Variants in PPP2R2C observed in about 807,000 individuals in gnomAD.
The protein encoded by PPP2R2C is protein phosphatase 2 regulatory subunit Bgamma.
PPP2R2C carries 10 observed loss-of-function variants against 45.3 expected under a neutral mutation model. That is an observed-to-expected ratio of 0.22 (90% CI 0.14 to 0.37). The LOEUF is 0.37. Among genes scored for constraint, PPP2R2C ranks in the 10% least tolerant of loss-of-function variants. PPP2R2C has a pLI of 1.00. For missense variants in PPP2R2C, 308 were observed against 619.7 expected (o/e 0.50, Z 5.34); for synonymous variants, 257 against 245.4 (o/e 1.05, Z -0.44).
chr4:6,462,021 C>G (rs796348888), intron 1 of PPP2R2C, among the ~76,000 whole-genome samples: 23 of 152,340 alleles, frequency 1.5e-4, no homozygotes, highest in African/African-American at 5.1e-4. Flanking sequence ...GATGTGGTCA[C>G]CCAGGCACGG....
At chr4:6,349,364 G>A in intron 5 of PPP2R2C, 1 of 970,116 alleles carries the variant, frequency 1.0e-6, no homozygotes, top group Non-Finnish European at 1.2e-6. Flanking sequence ...TTCCTCATCT[G>A]TAAAATGAGT....
Position 6,347,955 on chromosome 4 carries a change from T to C in PPP2R2C, c.681A>G (p.Ala227=), listed in dbSNP as rs761054245. Residue 227 remains alanine, a synonymous_variant, in exon 6 of 9, where the codon GCA becomes GCG. Transcript: ENST00000382599. ...TGCAGTGGTGCGGATGGAACTCAGA[T>C]GCTGTGATCACCTCCGTAAGGTCCT... is the stretch of plus-strand genomic sequence containing the variant. ...NMEDLTEVIT[A]SEFHPHHCNL... is the part of the protein sequence containing the mutation. 8.5e-5 allele frequency: 137 copies of C among 1,613,948 alleles called. No homozygotes were observed. Among genetic ancestry groups the C allele is most frequent in the Non-Finnish European group, 1.1e-4 (133 of 1,180,012 alleles).
At position 6,332,082 on chromosome 4, in the gene PPP2R2C, C is replaced by T. The variant is rs554484328; in HGVS notation, c.960+1480G>A. Among the ~76,000 whole-genome samples, 78 of 152,322 alleles carry T rather than the reference C, an allele frequency of 5.1e-4. No individual in the cohort carries two copies. Among genetic ancestry groups the T allele is most frequent in the African/African-American group, 1.8e-3 (74 of 41,564 alleles). On this transcript the variant is annotated intron_variant, in intron 7 of 8. Coordinates refer to ENST00000382599, the MANE Select transcript of PPP2R2C (RefSeq NM_020416.4). This position sits in a 1 kb window ranked among gnomAD's most constrained non-coding sequence, Gnocchi z 4.9. ...GGTCCTTCATGAGAATTTCAGAAAG[C>T]TGTGTCCCCCTCCCCCTGAAAATGC...
At chr4:6,354,698 G>A (rs760508746) in intron 5 of PPP2R2C, among the ~76,000 whole-genome samples, 1 of 148,380 alleles carries the variant, frequency 6.7e-6, no homozygotes, top group African/African-American at 2.5e-5. Flanking sequence ...GGCAGCTGGT[G>A]CTCCACTTTG....
chr4:6,340,618 G>A (rs1018846868), intron 6 of PPP2R2C, among the ~76,000 whole-genome samples: 10 of 148,860 alleles, frequency 6.7e-5, no homozygotes, highest in African/African-American at 2.2e-4. Flanking sequence ...CACCTGCACC[G>A]GCCACTCACT....
At chr4:6,424,462 GC>G (rs1335470561) in intron 1 of PPP2R2C, among the ~76,000 whole-genome samples, 1 of 152,230 alleles carries the variant, frequency 6.6e-6, no homozygotes, top group Non-Finnish European at 1.5e-5. Context: ...ACACTGCTGA[GC>G]CATGTCGGGG....
chr4:6,382,918 A>G lies in PPP2R2C; in HGVS notation c.71-1824T>C, dbSNP rs188046524. Reference sequence around the variant, plus strand: ...AACCCTCCAGCGGCTCCCATTGTGTACTCAGAGAAAAGCACAGAGTGTTCT... The same window carrying G: ...AACCCTCCAGCGGCTCCCATTGTGTGCTCAGAGAAAAGCACAGAGTGTTCT... On this transcript the variant is annotated intron_variant, in intron 1 of 8. Transcript: ENST00000382599. 37 of 1,087,744 alleles carry G rather than the reference A, an allele frequency of 3.4e-5. No individual in the cohort carries two copies. The East Asian group carries it at 2.8e-3, about 82-fold the overall frequency. The allele number at this position is 1,087,744 out of a possible 1,614,324, so 67.4% of individuals were successfully genotyped here. A position where few individuals can be genotyped will look rare whatever the true frequency, so the allele number is the denominator to read the frequency against.
At chr4:6,333,251 C>T (rs1349192816) in intron 7 of PPP2R2C, among the ~76,000 whole-genome samples, 1 of 152,172 alleles carries the variant, frequency 6.6e-6, no homozygotes, top group Admixed American at 6.5e-5. Flanking sequence ...CGTCTACATG[C>T]TCCACTGGGG....
Position 6,323,139 on chromosome 4 carries a change from G to T in PPP2R2C, c.*163C>A. 1.4e-6 allele frequency: 1 copy of T among 739,864 alleles called. No homozygotes were observed. Among genetic ancestry groups the T allele is most frequent in the Non-Finnish European group, 2.0e-6 (1 of 495,300 alleles). The allele number at this position is 739,864 out of a possible 1,614,324, so 45.8% of individuals were successfully genotyped here. On this transcript the variant is annotated 3_prime_UTR_variant, in exon 9 of 9. Coordinates refer to ENST00000382599, the MANE Select transcript of PPP2R2C (RefSeq NM_020416.4). ...CACAATTCTGGCCTAGGAAAGCTGG[G>T]GCAGGGAGGGGGCCCAAACTTCCTG...
chr4:6,554,930 GGAAAGAAAGAAA>G (rs71173447), intron 1 of PPP2R2C, among the ~76,000 whole-genome samples: 3,127 of 115,532 alleles, frequency 0.027, 101 homozygotes, highest in African/African-American at 0.037. Flanking sequence ...AAGGAAGGAA[GGAAAGAAAGAAA>G]GAAAGAAAGA....
At chr4:6,493,798 T>C (rs1476861223) in intron 2 of PPP2R2C, among the ~76,000 whole-genome samples, 1 of 152,040 alleles carries the variant, frequency 6.6e-6, no homozygotes, top group African/African-American at 2.4e-5. Flanking sequence ...GCCCCCACCC[T>C]GATTAATGGT....
At chr4:6,350,740 T>C (rs865930582) in intron 5 of PPP2R2C, 4 of 985,256 alleles carry the variant, frequency 4.1e-6, no homozygotes, top group East Asian at 1.1e-4. Flanking sequence ...TGCCAATGAA[T>C]AGACAAGTGA....
chr4:6,349,873 G>T, intron 5 of PPP2R2C: 1 of 982,278 alleles, frequency 1.0e-6, no homozygotes, highest in South Asian at 4.7e-5. Context: ...CCTGGTGACA[G>T]GGCAAGACTC....
intron 1 of PPP2R2C, among the ~76,000 whole-genome samples, chr4:6,459,881 G>A (rs116710572): frequency 2.0e-5 from 3 of 152,152 alleles, no homozygotes; most frequent in African/African-American, 7.2e-5. Context: ...GGGAAAGGGA[G>A]TTGTTAGTAC....
At chr4:6,377,404 C>T (rs940775719) in intron 3 of PPP2R2C, among the ~76,000 whole-genome samples, 1 of 152,064 alleles carries the variant, frequency 6.6e-6, no homozygotes, top group Non-Finnish European at 1.5e-5. Flanking sequence ...GCCTGTAATC[C>T]CAGCACTTTG....
intron 5 of PPP2R2C, among the ~76,000 whole-genome samples, chr4:6,371,761 G>C (rs1300410729): frequency 2.0e-5 from 3 of 152,206 alleles, no homozygotes; most frequent in African/African-American, 7.2e-5. Flanking sequence ...GGTGAAATGA[G>C]TTAAAATGAA....
chr4:6,381,876 C>T, intron 1 of PPP2R2C: 1 of 1,610,350 alleles, frequency 6.2e-7, no homozygotes, highest in Non-Finnish European at 8.5e-7. Context: ...CATGTGGGAA[C>T]TAGGGGAACA....
At chr4:6,520,230 AGAG>A (rs1723972143) in intron 2 of PPP2R2C, among the ~76,000 whole-genome samples, 1 of 152,100 alleles carries the variant, frequency 6.6e-6, no homozygotes, top group African/African-American at 2.4e-5. Flanking sequence ...GGAGATGTGC[AGAG>A]GAGGAGGGAG....
chr4:6,410,881 ATT>A (rs1364000373), intron 1 of PPP2R2C, among the ~76,000 whole-genome samples: 3 of 147,642 alleles, frequency 2.0e-5, no homozygotes, highest in African/African-American at 7.8e-5. Context: ...TTATTTATTT[ATT>A]TATTAGACAG....
Sources: allele counts gnomAD v4.1 joint callset (sites outside exome capture counted in the v4.1 genomes callset), GRCh38; gene constraint gnomAD v4.1.1; non-coding constraint Gnocchi (gnomAD v3.1); transcripts MANE v1.5; gene names NCBI Gene and HGNC (gene_info 2026-07-23, HGNC 2026-07-21).